Variants in ERO1B observed in about 807,000 individuals in gnomAD.
ERO1B encodes ERO1-like protein beta.
In ERO1B, 49 loss-of-function variants were observed where a neutral mutation model predicts 75.3. The observed-to-expected ratio is 0.65, with a 90% CI of 0.52 to 0.83. The LOEUF (loss-of-function observed/expected upper bound fraction) is 0.83, where lower values mean the gene tolerates loss of function less well. Among genes scored for constraint, ERO1B ranks in the 40% least tolerant of loss-of-function variants. The probability of loss-of-function intolerance (pLI) is 0.00; values close to 1 mark genes in which losing one functional copy is unlikely to be tolerated. For missense variants in ERO1B, 512 were observed against 560.1 expected (o/e 0.91, Z 0.87); for synonymous variants, 191 against 192.9 (o/e 0.99, Z 0.08).
At chr1:236,227,024 T>C (rs549863541) in intron 10 of ERO1B, among the ~76,000 whole-genome samples, 1 of 152,188 alleles carries the variant, frequency 6.6e-6, no homozygotes, top group Non-Finnish European at 1.5e-5. Context: ...CAAGTTCCCA[T>C]GTTAGACAGC....
chr1:236,280,887 A>C (rs936054526), intron 1 of ERO1B, among the ~76,000 whole-genome samples: 11 of 152,212 alleles, frequency 7.2e-5, no homozygotes, highest in Non-Finnish European at 1.5e-4. Context: ...ATTCTACTGA[A>C]TAGAAGCAAA....
chr1:236,279,836 A>G (rs978088939), intron 1 of ERO1B, among the ~76,000 whole-genome samples: 11 of 79,016 alleles, frequency 1.4e-4, no homozygotes, highest in African/African-American at 5.2e-4. Context: ...AGAGTGAGAC[A>G]CTATCTCAAA....
chr1:236,278,363 T>C (rs944281666), intron 1 of ERO1B, among the ~76,000 whole-genome samples: 4 of 151,902 alleles, frequency 2.6e-5, no homozygotes, highest in Non-Finnish European at 5.9e-5. Flanking sequence ...GAGGATGTAA[T>C]TGTTTGAAGT....
intron 2 of ERO1B, among the ~76,000 whole-genome samples, chr1:236,267,552 T>A (rs138271435): frequency 2.6e-4 from 40 of 152,356 alleles, no homozygotes; most frequent in African/African-American, 9.1e-4. Context: ...TGTAGAGATG[T>A]GAACTGGACC....
chr1:236,265,359 A>T (rs561866863), intron 2 of ERO1B, among the ~76,000 whole-genome samples: 1 of 152,156 alleles, frequency 6.6e-6, no homozygotes, highest in Admixed American at 6.5e-5. Flanking sequence ...AATAAAATCT[A>T]TTTGGTCATG....
chr1:236,245,007 T>C (rs919624558), intron 5 of ERO1B, among the ~76,000 whole-genome samples: 7 of 151,860 alleles, frequency 4.6e-5, no homozygotes, highest in African/African-American at 1.7e-4. Context: ...TATACATATA[T>C]TTTTTGAGAC....
At chr1:236,248,668 A>G (rs1040081980) in intron 5 of ERO1B, among the ~76,000 whole-genome samples, 10 of 152,360 alleles carry the variant, frequency 6.6e-5, no homozygotes, top group African/African-American at 2.4e-4. Context: ...ATTTATACAA[A>G]GGAAAAATAA....
At chr1:236,239,131 C>A (rs934110845) in intron 6 of ERO1B, among the ~76,000 whole-genome samples, 17 of 152,182 alleles carry the variant, frequency 1.1e-4, no homozygotes, top group Middle Eastern at 6.8e-3. Flanking sequence ...CTTACATTTT[C>A]AATGTTCTTA....
intron 4 of ERO1B, among the ~76,000 whole-genome samples, chr1:236,250,634 A>C (rs967931386): frequency 2.2e-5 from 2 of 91,046 alleles, no homozygotes; most frequent in Non-Finnish European, 4.9e-5. Context: ...GTGTGTGTGC[A>C]AACATATATA....
At chr1:236,276,597 C>G (rs560742663) in intron 1 of ERO1B, among the ~76,000 whole-genome samples, 1 of 152,206 alleles carries the variant, frequency 6.6e-6, no homozygotes, top group South Asian at 2.1e-4. Flanking sequence ...TTGGCCTTAG[C>G]AACAAGGAGG....
chr1:236,272,799 T>C (rs746181385), intron 1 of ERO1B, among the ~76,000 whole-genome samples: 8 of 152,178 alleles, frequency 5.3e-5, no homozygotes, highest in East Asian at 1.9e-4. Flanking sequence ...GAGGTTTTTT[T>C]CCCCCATTTT....
At chr1:236,237,820 A>T (rs1395132644) in intron 6 of ERO1B, among the ~76,000 whole-genome samples, 1 of 152,152 alleles carries the variant, frequency 6.6e-6, no homozygotes, top group Non-Finnish European at 1.5e-5. Flanking sequence ...CAGCATCTTG[A>T]TCCATGCCTT....
At chr1:236,272,425 C>T (rs374364490) in intron 1 of ERO1B, among the ~76,000 whole-genome samples, 1 of 152,146 alleles carries the variant, frequency 6.6e-6, no homozygotes, top group South Asian at 2.1e-4. Flanking sequence ...ATGGATGCAG[C>T]TGGAGGCCAT....
At position 236,281,641 on chromosome 1, in the gene ERO1B, G is replaced by A. The variant is rs1324130636; in HGVS notation, c.102+41C>T. 7.6e-6 allele frequency: 10 copies of A among 1,313,420 alleles called. No individual in the cohort carries two copies. The Middle Eastern group carries it at 7.7e-4, about 101-fold the overall frequency. 81.4% of individuals were successfully genotyped at this position (1,313,420 alleles called of 1,614,324 possible). A position where few individuals can be genotyped will look rare whatever the true frequency, so the allele number is the denominator to read the frequency against. ...CGGCCCGTGTGTAGCGGCCGCGGGTGTTCGGCCGGGGGTTCCCGGCCCGCT... is the reference window on the plus strand; with the variant it reads ...CGGCCCGTGTGTAGCGGCCGCGGGTATTCGGCCGGGGGTTCCCGGCCCGCT... On this transcript the variant is annotated intron_variant, in intron 1 of 15. Transcript: ENST00000354619.
intron 1 of ERO1B, among the ~76,000 whole-genome samples, chr1:236,278,035 C>T (rs553751437): frequency 6.6e-6 from 1 of 152,158 alleles, no homozygotes; most frequent in South Asian, 2.1e-4. Flanking sequence ...TCATGGTGCC[C>T]TGTTTCCTTG....
intron 2 of ERO1B, among the ~76,000 whole-genome samples, chr1:236,259,162 T>C (rs1665234416): frequency 6.6e-6 from 1 of 152,178 alleles, no homozygotes; most frequent in Non-Finnish European, 1.5e-5. Context: ...TAAGTCAGTA[T>C]CAGCTGAAAA....
intron 1 of ERO1B, among the ~76,000 whole-genome samples, chr1:236,279,843 C>CAAAA (rs60949594): frequency 7.4e-5 from 10 of 135,280 alleles, no homozygotes; most frequent in Admixed American, 1.5e-4. Flanking sequence ...GACACTATCT[C>CAAAA]AAAAAAAAAA....
intron 2 of ERO1B, among the ~76,000 whole-genome samples, chr1:236,256,906 C>T (rs77883430): frequency 0.11 from 10,449 of 91,598 alleles, 752 homozygotes; most frequent in East Asian, 0.58. Flanking sequence ...CAGCAGCTAT[C>T]TCTCTCTTCC....
At chr1:236,273,067 G>T (rs927402078) in intron 1 of ERO1B, among the ~76,000 whole-genome samples, 4 of 152,178 alleles carry the variant, frequency 2.6e-5, no homozygotes, top group South Asian at 4.1e-4. Context: ...TGGCAAAGGG[G>T]ACTTCAAAGA....
Sources: gnomAD v4.1 joint callset for allele counts (sites outside exome capture counted in the v4.1 genomes callset) on GRCh38, gnomAD v4.1.1 for gene constraint, MANE v1.5 for transcripts, NCBI Gene and HGNC (gene_info 2026-07-23, HGNC 2026-07-21) for gene names.